TCIRG1: variants seen among roughly 807,000 people sequenced by gnomAD.
The protein encoded by TCIRG1 is V-type proton ATPase 116 kDa subunit a 3.
In TCIRG1, 86 loss-of-function variants were observed where a neutral mutation model predicts 95.5. The observed-to-expected ratio is 0.90, with a 90% CI of 0.76 to 1.08. The LOEUF (loss-of-function observed/expected upper bound fraction) is 1.08, where lower values mean the gene tolerates loss of function less well. Among genes scored for constraint, TCIRG1 ranks in the 50% least tolerant of loss-of-function variants. The probability of loss-of-function intolerance (pLI) is 0.00; values close to 1 mark genes in which losing one functional copy is unlikely to be tolerated. For synonymous variants in TCIRG1, 499 were observed against 501.3 expected (o/e 1.00, Z 0.06); for missense variants, 1,069 against 1,140.2 (o/e 0.94, Z 0.90).
At chr11:68,049,500 T>C (rs1432770829) in intron 15 of TCIRG1, 163 bp from the exon 16 acceptor site, 2 of 1,086,474 alleles carry the variant, frequency 1.8e-6, no homozygotes, top group Non-Finnish European at 2.6e-6. Flanking sequence ...CCCTCAGGAG[T>C]CCTTATGGAG....
At chr11:68,043,218 C>T (rs2134437213) in intron 5 of TCIRG1, 153 bp from the exon 6 acceptor site, 1 of 1,476,368 alleles carries the variant, frequency 6.8e-7, no homozygotes, top group East Asian at 2.5e-5. Flanking sequence ...CTCTTCTGGT[C>T]CTGCCCGGGA....
chr11:68,043,905 G>A lies in TCIRG1; in HGVS notation c.805G>A (p.Glu269Lys). ...QLQQQSQELQ[E>K]VLGETERFLS... ...GCAACAGCAGAGCCAGGAGCTGCAG[G>A]AGGTGGGTGCCCCCGGCCTTCCGGA... is the stretch of plus-strand genomic sequence containing the variant. Residue 269 changes from glutamate to lysine, a missense_variant and splice_region_variant, in exon 8 of 20, where the codon GAG becomes AAG. Coordinates refer to ENST00000265686, the MANE Select transcript of TCIRG1 (RefSeq NM_006019.4). 6.5e-7 allele frequency: 1 copy of A among 1,549,928 alleles called. No homozygotes were observed. The highest frequency in any genetic ancestry group is 8.7e-7 in the Non-Finnish European group (1 of 1,148,390).
intron 3 of TCIRG1, 111 bp from the exon 4 acceptor site, chr11:68,042,532 C>G (rs952302077): frequency 1.1e-6 from 1 of 898,984 alleles, no homozygotes; most frequent in African/African-American, 1.7e-5. Context: ...CTGGCCACCT[C>G]CACCTGGTGA....
chr11:68,041,502 C>A, intron 2 of TCIRG1, 114 bp downstream of exon 2: 1 of 850,304 alleles, frequency 1.2e-6, no homozygotes, highest in South Asian at 1.5e-5. Flanking sequence ...CATTTGAACC[C>A]CAGCGGCCCC....
intron 10 of TCIRG1, among the ~76,000 whole-genome samples, chr11:68,045,925 C>G (rs1041660224): frequency 2.6e-5 from 4 of 152,178 alleles, no homozygotes; most frequent in Non-Finnish European, 4.4e-5. Flanking sequence ...TGCTATGGGC[C>G]GGGCCCCCAC....
Position 68,041,341 on chromosome 11 carries a change from A to G in TCIRG1, c.70A>G (p.Thr24Ala). Residue 24 changes from threonine to alanine, a missense_variant, in exon 2 of 20, where the codon ACC (threonine) becomes GCC (alanine). By Grantham distance (58) the Thr-to-Ala change is moderately conservative. Transcript: ENST00000265686. ...CTTTCTGCCCACAGCGGCTGCCTAC[A>G]CCTGCGTGAGTCGGCTGGGCGAGCT... ...QLFLPTAAAYTCVSRLGELGL... is the reference protein window; with the variant it reads ...QLFLPTAAAYACVSRLGELGL... The G allele has an allele frequency of 6.2e-7, 1 of 1,613,134 alleles. No homozygotes were observed. Among genetic ancestry groups the G allele is most frequent in the Non-Finnish European group, 8.5e-7 (1 of 1,179,914 alleles).
chr11:68,041,248 C>G lies in TCIRG1; in HGVS notation c.-4-20C>G, dbSNP rs1855143479. 1 of 1,554,100 alleles carries G rather than the reference C, an allele frequency of 6.4e-7. No individual in the cohort carries two copies. The highest frequency in any genetic ancestry group is 8.9e-7 in the Non-Finnish European group (1 of 1,126,538). ...TCTGTGGTCTGCCCCTGACTGGCCC[C>G]CATCCGTGTCCACCCACAGGACCAT... On this transcript the variant is annotated intron_variant, in intron 1 of 19. Coordinates refer to ENST00000265686, the MANE Select transcript of TCIRG1 (RefSeq NM_006019.4).
At chr11:68,046,892 C>G (rs1049727550) in intron 10 of TCIRG1, 3 of 456,106 alleles carry the variant, frequency 6.6e-6, no homozygotes, top group Non-Finnish European at 1.3e-5. Context: ...CCGTGCTGCC[C>G]GTGGAGAACT....
chr11:68,049,574 G>GT (rs1327722932), intron 15 of TCIRG1, 89 bp from the exon 16 acceptor site: 1 of 1,527,854 alleles, frequency 6.5e-7, no homozygotes, highest in Non-Finnish European at 8.8e-7. Context: ...GCGACCGCAG[G>GT]CTCTCTGGGC....
At chr11:68,049,896 GCCTGGCGGGTGGTGGGGGACCT>G in intron 16 of TCIRG1, 44 bp from the exon 17 acceptor site, 1 of 1,559,236 alleles carries the variant, frequency 6.4e-7, no homozygotes, top group African/African-American at 1.4e-5. Flanking sequence ...CCAGGAGCAG[GCCTGGCGGGTGGTGGGGGACCT>G]CCTGGGGCTG....
chr11:68,044,202 A>G lies in TCIRG1; in HGVS notation c.878A>G (p.Gln293Arg), dbSNP rs374215087. The G allele has an allele frequency of 1.9e-6, 3 of 1,563,994 alleles. No individual in the cohort carries two copies. The African/African-American group carries it at 4.1e-5, about 21-fold the overall frequency. The stretch of plus-strand genomic sequence containing the variant: ...GTGCTGCAGCTGCTGCCGCCAGGGC[A>G]GGTGCAGGTCCACAAGATGAAGGCC... ...GRVLQLLPPG[Q>R]VQVHKMKAVY... The change falls in exon 9 of 20, where the codon CAG becomes CGG. Residue 293 changes from glutamine (Q) to arginine (R), a missense_variant. Physicochemically the swap from Gln to Arg is conservative, Grantham distance 43. Coordinates refer to ENST00000265686, the MANE Select transcript of TCIRG1 (RefSeq NM_006019.4).
Position 68,043,451 on chromosome 11 carries a change from T to C in TCIRG1, c.584T>C (p.Ile195Thr), listed in dbSNP as rs1016352363. The change falls in exon 6 of 20, where the codon ATT becomes ACT. Residue 195 changes from isoleucine (I) to threonine (T), a missense_variant. Coordinates refer to ENST00000265686, the MANE Select transcript of TCIRG1 (RefSeq NM_006019.4). The stretch of plus-strand genomic sequence containing the variant: ...TGGAGGGCCTGCCGCGGCTTCCTCA[T>C]TGCCAGCTTCAGGGAGCTGGAGCAG... ...LLWRACRGFLIASFRELEQPL... is the reference protein window; with the variant it reads ...LLWRACRGFLTASFRELEQPL... The C allele has an allele frequency of 3.2e-6, 5 of 1,552,298 alleles. No individual in the cohort carries two copies. The highest frequency in any genetic ancestry group is 4.4e-6 in the Non-Finnish European group (5 of 1,148,618).
In TCIRG1 at chr11:68,044,265, C is replaced by CGGT. The variant is rs779622577; in HGVS notation, c.942_943insGTG (p.Thr314_His315insVal). On this transcript the variant is annotated inframe_insertion, in exon 9 of 20. Coordinates refer to ENST00000265686, the MANE Select transcript of TCIRG1 (RefSeq NM_006019.4). The stretch of plus-strand genomic sequence containing the variant: ...CTGAACCAGTGCAGCGTGAGCACCA[C>CGGT]GCACAAGTGCCTCATTGCCGAGGCC... The CGGT allele has an allele frequency of 3.1e-6, 5 of 1,604,326 alleles. No individual in the cohort carries two copies. Among genetic ancestry groups the CGGT allele is most frequent in the Non-Finnish European group, 4.2e-6 (5 of 1,176,968 alleles).
Position 68,041,328 on chromosome 11 carries a change from A to G in TCIRG1, c.57A>G (p.Thr19=). 5 of 1,613,220 alleles carry G rather than the reference A, an allele frequency of 3.1e-6. No individual in the cohort carries two copies. The highest frequency in any genetic ancestry group is 4.2e-6 in the Non-Finnish European group (5 of 1,179,962). The change falls in exon 2 of 20, where the codon ACA becomes ACG. Residue 19 remains threonine (T), a synonymous_variant. Coordinates refer to ENST00000265686, the MANE Select transcript of TCIRG1 (RefSeq NM_006019.4). ...EVALVQLFLP[T]AAAYTCVSRL... is the part of the protein sequence containing the mutation. ...CCCTGGTCCAGCTCTTTCTGCCCAC[A>G]GCGGCTGCCTACACCTGCGTGAGTC... is the stretch of plus-strand genomic sequence containing the variant.
At position 68,050,041 on chromosome 11, in the gene TCIRG1, G is replaced by A. The variant is rs1012603909; in HGVS notation, c.2093G>A (p.Gly698Asp). 6.2e-7 allele frequency: 1 copy of A among 1,613,386 alleles called. No homozygotes were observed. The change falls in exon 17 of 20, where the codon GGC becomes GAC. Residue 698 changes from glycine (G) to aspartate (D), a missense_variant. Physicochemically the swap from Gly to Asp is moderately conservative, Grantham distance 94 (BLOSUM62 -1). Transcript: ENST00000265686. ...AGCTCCGATGAGGAAAAGGCAGGGGGCCTGGATGATGAAGAGGAGGCCGAG... is the reference window on the plus strand; with the variant it reads ...AGCTCCGATGAGGAAAAGGCAGGGGACCTGGATGATGAAGAGGAGGCCGAG... ...GWSSDEEKAG[G>D]LDDEEEAELV...
chr11:68,041,170 A>G, intron 1 of TCIRG1, 98 bp from the exon 2 acceptor site: 1 of 842,810 alleles, frequency 1.2e-6, no homozygotes, highest in Non-Finnish European at 2.1e-6. Context: ...TGGTAACAGC[A>G]GCTTCCAGGA....
At chr11:68,041,461 C>T in intron 2 of TCIRG1, 73 bp downstream of exon 2, 1 of 1,122,588 alleles carries the variant, frequency 8.9e-7, no homozygotes, top group Non-Finnish European at 1.3e-6. Flanking sequence ...AGGATGGGGA[C>T]TGCCCCCCCT....
intron 10 of TCIRG1, among the ~76,000 whole-genome samples, chr11:68,046,112 G>A (rs1855471143): frequency 6.6e-6 from 1 of 152,224 alleles, no homozygotes; most frequent in African/African-American, 2.4e-5. Flanking sequence ...AGCCGTCGGG[G>A]CAGCGTGTTT....
At position 68,049,635 on chromosome 11, in the gene TCIRG1, GC is replaced by G. The variant is rs752086849; in HGVS notation, c.1888-25del. The G allele has an allele frequency of 4.4e-6, 7 of 1,596,016 alleles. No homozygotes were observed. The East Asian group carries it at 1.6e-4, about 36-fold the overall frequency. Reference sequence around the variant, plus strand: ...CTTTGCAGGTGTGCACAGCAGGGACGCCCTGACTCTCGCCCTCTCCCTGGCA... The same window carrying G: ...CTTTGCAGGTGTGCACAGCAGGGACGCCTGACTCTCGCCCTCTCCCTGGCA... On this transcript the variant is annotated intron_variant, in intron 15 of 19. Transcript: ENST00000265686.
Sources: gnomAD v4.1 joint callset for allele counts (sites outside exome capture counted in the v4.1 genomes callset) on GRCh38, gnomAD v4.1.1 for gene constraint, MANE v1.5 for transcripts, NCBI Gene and HGNC (gene_info 2026-07-23, HGNC 2026-07-21) for gene names.